RAB31: variants seen among roughly 807,000 people sequenced by gnomAD.
RAB31 encodes the protein RAB31, member RAS oncogene family.
In RAB31, 21 loss-of-function variants were observed where a neutral mutation model predicts 25.6. That is an observed-to-expected ratio of 0.82 (90% CI 0.58 to 1.18). The LOEUF is 1.18. Among genes scored for constraint, RAB31 ranks in the 50% most tolerant of loss-of-function variants. The pLI is 0.00. For missense variants in RAB31, 196 were observed against 250.1 expected, an observed-to-expected ratio of 0.78 and a Z score of 1.46; for synonymous variants, 87 against 84.0, an observed-to-expected ratio of 1.04 and a Z score of -0.20.
rs145001516 is a variant in RAB31 at position 9,789,454 on chromosome 18, T to C, written c.120-2700T>C. Among the ~76,000 whole-genome samples the C allele has an allele frequency of 2.0e-3, 312 of 152,356 alleles. 1 individual carries two copies. The highest frequency in any genetic ancestry group is 2.6e-3 in the Non-Finnish European group (180 of 68,024). On this transcript the variant is annotated intron_variant, in intron 2 of 6. Transcript: ENST00000578921. ...TATGCCAATTACCCTGATTTGATCATTACACATTGCATACATGTATGTACA... is the reference window on the plus strand; with the variant it reads ...TATGCCAATTACCCTGATTTGATCACTACACATTGCATACATGTATGTACA...
chr18:9,738,650 A>G (rs1037198441), intron 1 of RAB31, among the ~76,000 whole-genome samples: 1 of 152,148 alleles, frequency 6.6e-6, no homozygotes, highest in Admixed American at 6.5e-5. Context: ...CATCCTGTGT[A>G]ACATCCTTTA....
At chr18:9,856,809 A>G (rs1406385617) in intron 6 of RAB31, among the ~76,000 whole-genome samples, 1 of 152,188 alleles carries the variant, frequency 6.6e-6, no homozygotes, top group Non-Finnish European at 1.5e-5. Context: ...TAACTTCAAT[A>G]ATGATGTAAC....
intron 1 of RAB31, among the ~76,000 whole-genome samples, chr18:9,731,321 A>G (rs1478625062): frequency 6.6e-6 from 1 of 152,058 alleles, no homozygotes; most frequent in Non-Finnish European, 1.5e-5. Context: ...CTTTTCTTCC[A>G]TTTTGCTGTT....
chr18:9,822,683 G>A lies in RAB31; in HGVS notation c.380+7461G>A, dbSNP rs150441069. Among the ~76,000 whole-genome samples the A allele has an allele frequency of 1.3e-4, 20 of 152,262 alleles. No individual in the cohort carries two copies. In the East Asian group the frequency reaches 3.5e-3, roughly 26 times the overall value. On this transcript the variant is annotated intron_variant, in intron 5 of 6. Transcript: ENST00000578921. The stretch of plus-strand genomic sequence containing the variant: ...TTTCACCTGAGAGAATAGGAAGATG[G>A]TGAGGAAGGATATAAGGCGACGTTC...
At chr18:9,845,797 T>C (rs2068758936) in intron 6 of RAB31, 106 bp downstream of exon 6, 1 of 1,403,906 alleles carries the variant, frequency 7.1e-7, no homozygotes, top group Non-Finnish European at 9.3e-7. Flanking sequence ...TCTGTGTGAA[T>C]TTATCGGATG....
At chr18:9,722,445 T>A (rs948878019) in intron 1 of RAB31, among the ~76,000 whole-genome samples, 5 of 152,188 alleles carry the variant, frequency 3.3e-5, no homozygotes, top group Admixed American at 2.6e-4. Context: ...ACATGGTGCA[T>A]GATGCGTACC....
chr18:9,761,866 G>A (rs1331079849), intron 1 of RAB31, among the ~76,000 whole-genome samples: 1 of 152,174 alleles, frequency 6.6e-6, no homozygotes, highest in Non-Finnish European at 1.5e-5. Flanking sequence ...GGAGTGCAGT[G>A]GTGTGATCTT....
intron 2 of RAB31, among the ~76,000 whole-genome samples, chr18:9,781,073 G>T (rs1329386564): frequency 6.6e-6 from 1 of 152,084 alleles, no homozygotes; most frequent in African/African-American, 2.4e-5. Context: ...TTTAGTCCAA[G>T]AATAAAAATC....
chr18:9,775,163 C>G, intron 1 of RAB31, 115 bp from the exon 2 acceptor site: 1 of 1,528,214 alleles, frequency 6.5e-7, no homozygotes, highest in Non-Finnish European at 8.9e-7. Flanking sequence ...CTCTCCCAGT[C>G]TCATCAACCA....
chr18:9,859,388 G>T lies in RAB31; in HGVS notation c.*63G>T. ...AGCCCACATCCTGTGCACTGCTGAA[G>T]GACCCTACGCTCGGTGGCCTGGCAC... is the stretch of plus-strand genomic sequence containing the variant. On this transcript the variant is annotated 3_prime_UTR_variant, in exon 7 of 7. Coordinates refer to ENST00000578921, the MANE Select transcript of RAB31 (RefSeq NM_006868.4). 7.0e-7 allele frequency: 1 copy of T among 1,435,214 alleles called. No individual in the cohort carries two copies. The allele number at this position is 1,435,214 out of a possible 1,614,324, so 88.9% of individuals were successfully genotyped here.
chr18:9,859,394 T>C lies in RAB31; in HGVS notation c.*69T>C. On this transcript the variant is annotated 3_prime_UTR_variant, in exon 7 of 7. Transcript: ENST00000578921. ...CATCCTGTGCACTGCTGAAGGACCC[T>C]ACGCTCGGTGGCCTGGCACCTCACT... The C allele has an allele frequency of 7.3e-7, 1 of 1,368,494 alleles. No homozygotes were observed. The highest frequency in any genetic ancestry group is 1.0e-6 in the Non-Finnish European group (1 of 975,924). The allele number at this position is 1,368,494 out of a possible 1,614,324, so 84.8% of individuals were successfully genotyped here. A position where few individuals can be genotyped will look rare whatever the true frequency, so the allele number is the denominator to read the frequency against.
rs57545209 is a variant in RAB31, at chr18:9,763,600, T to TTATATATA, written c.40-11662_40-11655dup. On this transcript the variant is annotated intron_variant, in intron 1 of 6. Transcript: ENST00000578921. ...GAGAGATAGAAAATAAAGAAAAAAA[T>TTATATATA]TATATATATATATATATATATATGG... Among the ~76,000 whole-genome samples, 365 of 141,688 alleles carry TTATATATA rather than the reference T, an allele frequency of 2.6e-3. 2 individuals carry two copies. The highest frequency in any genetic ancestry group is 8.0e-3 in the African/African-American group (312 of 38,836). 93.0% of individuals were successfully genotyped at this position (141,688 alleles called of 152,430 possible).
intron 1 of RAB31, among the ~76,000 whole-genome samples, chr18:9,767,383 A>G (rs897487087): frequency 2.0e-5 from 3 of 152,230 alleles, no homozygotes; most frequent in African/African-American, 7.2e-5. Flanking sequence ...GTTATCAGCA[A>G]TGTATATCCC....
rs180712082 is a variant in RAB31 at position 9,741,419 on chromosome 18, C to T, written c.39+32975C>T. On this transcript the variant is annotated intron_variant, in intron 1 of 6. Transcript: ENST00000578921. ...AAAAAAAAAAGGCAGCTGCTCTGGG[C>T]ACCCCTGGATTGTGGCAAACTTCAG... Among the ~76,000 whole-genome samples the T allele has an allele frequency of 1.7e-3, 249 of 147,672 alleles. 1 individual carries two copies. Among genetic ancestry groups the T allele is most frequent in the African/African-American group, 6.0e-3 (242 of 40,060 alleles).
At chr18:9,851,578 TC>T (rs890199713) in intron 6 of RAB31, among the ~76,000 whole-genome samples, 19 of 152,290 alleles carry the variant, frequency 1.2e-4, no homozygotes, top group Admixed American at 4.6e-4. Context: ...GCAGGCAGGC[TC>T]CGGGGCACAT....
chr18:9,853,753 G>A (rs2068800715), intron 6 of RAB31, among the ~76,000 whole-genome samples: 1 of 152,036 alleles, frequency 6.6e-6, no homozygotes, highest in Non-Finnish European at 1.5e-5. Flanking sequence ...AAACTAAGAT[G>A]TTAAAAATGG....
At position 9,850,167 on chromosome 18, in the gene RAB31, A is replaced by G. The variant is rs76311841; in HGVS notation, c.490+4476A>G. On this transcript the variant is annotated intron_variant, in intron 6 of 6. Transcript: ENST00000578921. ...ACAGCGTTACCAAGAGTCATCCCCA[A>G]GTTCTGTTTGCCGGAATGAGGAGGA... 6.2e-3 allele frequency among the ~76,000 whole-genome samples: 942 copies of G among 152,338 alleles called. 9 individuals are homozygous for G. The highest frequency in any genetic ancestry group is 0.021 in the African/African-American group (892 of 41,574).
Position 9,856,206 on chromosome 18 carries a change from TAA to T in RAB31, c.491-3021_491-3020del, listed in dbSNP as rs1451796147. 2 of 152,208 alleles carry T rather than the reference TAA, an allele frequency of 1.3e-5. 1 individual carries two copies. The highest frequency in any genetic ancestry group is 4.1e-4 in the South Asian group (2 of 4,836). 9.4% of individuals were successfully genotyped at this position (152,208 alleles called of 1,614,324 possible). On this transcript the variant is annotated intron_variant, in intron 6 of 6. Transcript: ENST00000578921. ...TCAACAGCTGATTCAAGAGTGCTGC[TAA>T]GAGTTCAAAACATGCAGGAGGGGAG...
intron 5 of RAB31, among the ~76,000 whole-genome samples, chr18:9,839,196 CTG>C (rs1027317675): frequency 1.3e-5 from 2 of 152,144 alleles, no homozygotes; most frequent in African/African-American, 4.8e-5. Flanking sequence ...GGTTGCCAGA[CTG>C]AGCTCTCTAG....
Sources: allele counts gnomAD v4.1 joint callset (sites outside exome capture counted in the v4.1 genomes callset), GRCh38; gene constraint gnomAD v4.1.1; transcripts MANE v1.5; gene names NCBI Gene and HGNC (gene_info 2026-07-23, HGNC 2026-07-21).